The following ANKRD11 variants were observed in gnomAD, a reference collection of about 807,000 sequenced individuals.
ANKRD11 encodes the protein ankyrin repeat domain-containing protein 11.
ANKRD11 carries 17 observed loss-of-function variants against 195.7 expected under a neutral mutation model. That is an observed-to-expected ratio of 0.09 (90% CI 0.06 to 0.13). The LOEUF is 0.13. Among genes scored for constraint, ANKRD11 ranks in the 10% least tolerant of loss-of-function variants. The pLI is 1.00. For missense variants in ANKRD11, 3,735 were observed against 3,566.1 expected, an observed-to-expected ratio of 1.05 and a Z score of -1.21; for synonymous variants, 1,953 against 1,528.1, an observed-to-expected ratio of 1.28 and a Z score of -6.49.
At chr16:89,483,867 T>C (rs979682582) in intron 1 of ANKRD11, among the ~76,000 whole-genome samples, 1 of 152,056 alleles carries the variant, frequency 6.6e-6, no homozygotes, top group Admixed American at 6.6e-5. Context: ...ATTTAATATA[T>C]TAAGCTCTAA....
At chr16:89,358,362 G>A (rs770804502) in intron 2 of ANKRD11, among the ~76,000 whole-genome samples, 1 of 152,196 alleles carries the variant, frequency 6.6e-6, no homozygotes, top group Non-Finnish European at 1.5e-5. Context: ...CAGCTTCCAC[G>A]TTTGCAAACA....
At chr16:89,302,695 G>C (rs764339606) in intron 4 of ANKRD11, among the ~76,000 whole-genome samples, 10 of 152,176 alleles carry the variant, frequency 6.6e-5, no homozygotes, top group Non-Finnish European at 1.3e-4. Flanking sequence ...GGCCCCGAAA[G>C]GGTGATAAAC....
chr16:89,446,452 A>AACTT (rs909849759), intron 1 of ANKRD11, among the ~76,000 whole-genome samples: 1 of 152,040 alleles, frequency 6.6e-6, no homozygotes, highest in African/African-American at 2.4e-5. Flanking sequence ...AAAAACACAA[A>AACTT]ACTTATCCGG....
chr16:89,432,998 TCACA>T (rs142049824), intron 1 of ANKRD11, among the ~76,000 whole-genome samples: 29 of 140,088 alleles, frequency 2.1e-4, no homozygotes, highest in Non-Finnish European at 3.7e-4. Flanking sequence ...CTCCTCTCTC[TCACA>T]CACACACACA....
intron 1 of ANKRD11, among the ~76,000 whole-genome samples, chr16:89,423,899 G>T (rs1193347589): frequency 6.6e-6 from 1 of 152,138 alleles, no homozygotes; most frequent in African/African-American, 2.4e-5. Context: ...CCCATAAATG[G>T]GAAGAAAGTT....
intron 3 of ANKRD11, among the ~76,000 whole-genome samples, chr16:89,313,851 G>A (rs988716679): frequency 6.6e-6 from 1 of 152,196 alleles, no homozygotes; most frequent in South Asian, 2.1e-4. Context: ...AGGCCTGAGA[G>A]CTCCCTACTC....
chr16:89,435,796 T>TCTCACA (rs139190903), intron 1 of ANKRD11, among the ~76,000 whole-genome samples: 4 of 143,018 alleles, frequency 2.8e-5, no homozygotes, highest in African/African-American at 5.2e-5. Context: ...CACCAGCTCT[T>TCTCACA]CACACACACA....
At chr16:89,371,435 G>A (rs2040188089) in intron 2 of ANKRD11, among the ~76,000 whole-genome samples, 1 of 152,210 alleles carries the variant, frequency 6.6e-6, no homozygotes, top group South Asian at 2.1e-4. Flanking sequence ...TCGGTGCATG[G>A]AGGCCAGAGC....
At chr16:89,321,757 T>C (rs138456648) in intron 2 of ANKRD11, among the ~76,000 whole-genome samples, 2 of 152,028 alleles carry the variant, frequency 1.3e-5, no homozygotes, top group African/African-American at 2.4e-5. Context: ...AGGGATGGAA[T>C]GTAAGCAGAG....
chr16:89,318,881 A>T (rs1288159761), intron 2 of ANKRD11, among the ~76,000 whole-genome samples: 1 of 152,176 alleles, frequency 6.6e-6, no homozygotes, highest in Non-Finnish European at 1.5e-5. Context: ...ACCATCCCTG[A>T]TGCCTGAGGC....
At chr16:89,293,519 A>G (rs1161957624) in intron 4 of ANKRD11, among the ~76,000 whole-genome samples, 13 of 119,284 alleles carry the variant, frequency 1.1e-4, no homozygotes. Context: ...CAGAGCGAGG[A>G]GGCGGGGTGG....
chr16:89,425,858 G>A (rs1255430000), intron 1 of ANKRD11, among the ~76,000 whole-genome samples: 1 of 152,158 alleles, frequency 6.6e-6, no homozygotes, highest in Non-Finnish European at 1.5e-5. Context: ...CTTCTTCAGT[G>A]CAAATGTTTC....
intron 2 of ANKRD11, among the ~76,000 whole-genome samples, chr16:89,384,246 C>G (rs2040791696): frequency 1.3e-5 from 2 of 152,098 alleles, no homozygotes; most frequent in Non-Finnish European, 2.9e-5. Flanking sequence ...AAACATTTCT[C>G]AAGGCTGGGC....
chr16:89,328,953 G>A (rs1334611034), intron 2 of ANKRD11: 3 of 140,944 alleles, frequency 2.1e-5, no homozygotes, highest in East Asian at 4.3e-4. Context: ...CCAGGAGCAC[G>A]GGCGAAATCA....
rs375339032 is a variant in ANKRD11, at chr16:89,477,147, A to C, written c.-145+13098T>G. Among the ~76,000 whole-genome samples, 7 of 151,906 alleles carry C rather than the reference A, an allele frequency of 4.6e-5. No homozygotes were observed. In the East Asian group the frequency reaches 1.2e-3, roughly 25 times the overall value. On this transcript the variant is annotated intron_variant, in intron 1 of 12. Transcript: ENST00000301030. ...GCTAGTTAAATTTATATCTCAGAAA[A>C]CAGGCACAATAGAAGTATAAAAGCC...
intron 1 of ANKRD11, among the ~76,000 whole-genome samples, chr16:89,469,226 C>CT (rs1402500270): frequency 3.3e-5 from 5 of 151,908 alleles, no homozygotes; most frequent in Admixed American, 2.6e-4. Flanking sequence ...GATATCCACT[C>CT]TTTTTTTTCT....
chr16:89,391,894 C>G (rs1215380744), intron 2 of ANKRD11, among the ~76,000 whole-genome samples: 2 of 152,234 alleles, frequency 1.3e-5, no homozygotes, highest in African/African-American at 2.4e-5. Flanking sequence ...TCTTAGCTCC[C>G]ACAATTTAGC....
At chr16:89,309,091 C>T (rs916115548) in intron 3 of ANKRD11, among the ~76,000 whole-genome samples, 1 of 152,198 alleles carries the variant, frequency 6.6e-6, no homozygotes, top group Non-Finnish European at 1.5e-5. Flanking sequence ...AGAACACACA[C>T]CACACCACCA....
rs1264679369 is a variant in ANKRD11, at chr16:89,451,294, T to C, written c.-144-32926A>G. Among the ~76,000 whole-genome samples the C allele has an allele frequency of 2.0e-5, 3 of 152,286 alleles. No individual in the cohort carries two copies. In the East Asian group the frequency reaches 5.8e-4, roughly 29 times the overall value. ...GTAAAGACAAATCAATGGAGACAGATAGTAGATTAGTGGCTGCCTGGGGTG... is the reference window on the plus strand; with the variant it reads ...GTAAAGACAAATCAATGGAGACAGACAGTAGATTAGTGGCTGCCTGGGGTG... On this transcript the variant is annotated intron_variant, in intron 1 of 12. Transcript: ENST00000301030.
Sources: allele counts gnomAD v4.1 joint callset (sites outside exome capture counted in the v4.1 genomes callset), GRCh38; gene constraint gnomAD v4.1.1; transcripts MANE v1.5; gene names NCBI Gene and HGNC (gene_info 2026-07-23, HGNC 2026-07-21).